The following MTAP variants were observed in gnomAD, a reference collection of about 807,000 sequenced individuals.
MTAP encodes the protein methylthioadenosine phosphorylase.
A neutral mutation model predicts 33.6 loss-of-function variants in MTAP; 33 were observed. That is an observed-to-expected ratio of 0.98 (90% CI 0.74 to 1.31). The LOEUF is 1.31. Ranked by LOEUF, MTAP falls within the 40% of genes most tolerant of loss-of-function variation. The pLI is 0.00. For missense variants in MTAP, 367 were observed against 360.0 expected (o/e 1.02, Z -0.16); for synonymous variants, 148 against 125.7 (o/e 1.18, Z -1.19).
At chr9:21,816,852 A>AAAAAG (rs1824488200) in intron 3 of MTAP, 80 bp downstream of exon 3, 2 of 1,229,046 alleles carry the variant, frequency 1.6e-6, no homozygotes, top group Non-Finnish European at 2.3e-6. Context: ...GAGTAAAGAT[A>AAAAAG]CAGGTCTGAG....
chr9:21,917,501 T>A (rs1818709787), intron 1 of MTAP, among the ~76,000 whole-genome samples: 1 of 152,154 alleles, frequency 6.6e-6, no homozygotes, highest in Admixed American at 6.5e-5. Context: ...GTGATGCTTG[T>A]CACTAATCAT....
intron 4 of MTAP, among the ~76,000 whole-genome samples, chr9:21,821,992 T>A (rs186702963): frequency 5.6e-4 from 86 of 152,350 alleles, no homozygotes; most frequent in African/African-American, 2.0e-3. Flanking sequence ...TTATCATTTT[T>A]TATTGCATCT....
chr9:21,825,231 C>T (rs1388043961), intron 4 of MTAP, among the ~76,000 whole-genome samples: 1 of 152,168 alleles, frequency 6.6e-6, no homozygotes, highest in Non-Finnish European at 1.5e-5. Context: ...TCCTATTAGG[C>T]CATCTTGGAA....
At chr9:21,839,573 A>G (rs550299068) in intron 5 of MTAP, among the ~76,000 whole-genome samples, 18 of 152,354 alleles carry the variant, frequency 1.2e-4, no homozygotes, top group African/African-American at 4.3e-4. Context: ...AGCCAAATTA[A>G]TTCAGCTTCA....
intron 1 of MTAP, among the ~76,000 whole-genome samples, chr9:21,881,435 C>T (rs1183170748): frequency 2.0e-5 from 3 of 152,032 alleles, no homozygotes; most frequent in Non-Finnish European, 4.4e-5. Flanking sequence ...TTTAAAACTT[C>T]TGTGCATCAA....
chr9:21,926,555 T>A (rs1030547442), intron 1 of MTAP, among the ~76,000 whole-genome samples: 1 of 152,148 alleles, frequency 6.6e-6, no homozygotes, highest in African/African-American at 2.4e-5. Flanking sequence ...TGCACTTGAA[T>A]TGGGGAATGA....
rs1038432257 is a variant in MTAP, at chr9:21,860,317, T to A, written c.813+892T>A. ...TGCTCCAGTACGGCCAGTTTCACAC[T>A]ACTAATGTGAAGCCACTGATGAGTT... On this transcript the variant is annotated intron_variant, in intron 7 of 7. Coordinates refer to ENST00000644715, the MANE Select transcript of MTAP (RefSeq NM_002451.4). The A allele has an allele frequency of 2.6e-4, 40 of 152,328 alleles. 1 individual carries two copies. The highest frequency in any genetic ancestry group is 2.2e-3 in the Admixed American group (33 of 15,300). The allele number at this position is 152,328 out of a possible 1,614,324, so 9.4% of individuals were successfully genotyped here.
chr9:21,897,136 A>C (rs902169394), intron 1 of MTAP, among the ~76,000 whole-genome samples: 3 of 152,196 alleles, frequency 2.0e-5, no homozygotes, highest in Non-Finnish European at 4.4e-5. Context: ...AAACTACATG[A>C]TTATCTCAAT....
Position 21,864,085 on chromosome 9 carries a change from AT to A in MTAP, c.*2072del, listed in dbSNP as rs1457476228. ...CCTCATTCTTAATAGGTGTCTAAGA[AT>A]GTCAGGGCAAAAGTATGGGCATTTT... On this transcript the variant is annotated 3_prime_UTR_variant, in exon 8 of 8. Transcript: ENST00000644715. 3.0e-6 allele frequency: 3 copies of A among 985,330 alleles called. No homozygotes were observed. Among genetic ancestry groups the A allele is most frequent in the Admixed American group, 6.1e-5 (1 of 16,268 alleles). The allele number at this position is 985,330 out of a possible 1,614,324, so 61.0% of individuals were successfully genotyped here. A position where few individuals can be genotyped will look rare whatever the true frequency, so the allele number is the denominator to read the frequency against.
intron 4 of MTAP, among the ~76,000 whole-genome samples, chr9:21,823,950 A>T (rs1176989364): frequency 6.6e-6 from 1 of 152,158 alleles, no homozygotes; most frequent in Non-Finnish European, 1.5e-5. Context: ...TATGGTTTTC[A>T]GCTCCATCAG....
downstream of MTAP, among the ~76,000 whole-genome samples, chr9:21,940,147 G>T (rs1819113393): frequency 6.6e-6 from 1 of 152,092 alleles, no homozygotes; most frequent in Non-Finnish European, 1.5e-5. Flanking sequence ...ATGAAGAAGA[G>T]AATTCACCCA....
intron 3 of MTAP, among the ~76,000 whole-genome samples, chr9:21,817,197 G>A (rs1346985339): frequency 2.6e-5 from 4 of 152,186 alleles, no homozygotes; most frequent in Non-Finnish European, 4.4e-5. Context: ...CCTTAAGGAG[G>A]CTGGTGCTGC....
chr9:21,911,024 G>C (rs535708782), intron 1 of MTAP, among the ~76,000 whole-genome samples: 2 of 152,088 alleles, frequency 1.3e-5, no homozygotes, highest in African/African-American at 4.8e-5. Context: ...AAGATCAAAA[G>C]AGACAAAGAA....
In MTAP at chr9:21,922,623, C is replaced by T. The variant is rs74403425; in HGVS notation, c.148-8385C>T. Among the ~76,000 whole-genome samples, 1 of 152,264 alleles carries T rather than the reference C, an allele frequency of 6.6e-6. No individual in the cohort carries two copies. Among genetic ancestry groups the T allele is most frequent in the African/African-American group, 2.4e-5 (1 of 41,566 alleles). On this transcript the variant is annotated intron_variant, in intron 1 of 1. Transcript: ENST00000577563. The surrounding 1 kb of genome is among the most constrained non-coding windows in gnomAD (Gnocchi z 4.8). ...GATGCCACATGGCTTGGATACGTTC[C>T]CCAGTGGTAAGAAATCTCTATGCCT... is the stretch of plus-strand genomic sequence containing the variant.
In MTAP at chr9:21,818,065, A is replaced by G. The variant is rs1824529274; in HGVS notation, c.210A>G (p.Ser70=). The part of the protein sequence containing the change: ...RHGRQHTIMP[S]KVNYQANIWA... Reference sequence around the variant, plus strand: ...GAAGGCAGCACACCATCATGCCTTCAAAGGTCAACTACCAGGCGAACATCT... The same window carrying G: ...GAAGGCAGCACACCATCATGCCTTCGAAGGTCAACTACCAGGCGAACATCT... Residue 70 remains serine, a synonymous_variant, in exon 4 of 8, where the codon TCA becomes TCG. Coordinates refer to ENST00000644715, the MANE Select transcript of MTAP (RefSeq NM_002451.4). The G allele has an allele frequency of 6.2e-7, 1 of 1,613,408 alleles. No individual in the cohort carries two copies. Among genetic ancestry groups the G allele is most frequent in the Non-Finnish European group, 8.5e-7 (1 of 1,179,790 alleles).
chr9:21,802,736 T>C lies in MTAP; in HGVS notation c.-13T>C. 6.2e-7 allele frequency: 1 copy of C among 1,612,878 alleles called. No individual in the cohort carries two copies. The highest frequency in any genetic ancestry group is 1.3e-5 in the African/African-American group (1 of 74,912). On this transcript the variant is annotated 5_prime_UTR_variant, in exon 1 of 8. Coordinates refer to ENST00000644715, the MANE Select transcript of MTAP (RefSeq NM_002451.4). The stretch of plus-strand genomic sequence containing the variant: ...GAGCGCTCGCCCACTGCAGATTCCT[T>C]TCCCGTGCAGACATGGCCTCTGGCA...
chr9:21,876,052 A>G (rs181881761), intron 1 of MTAP, among the ~76,000 whole-genome samples: 170 of 152,182 alleles, frequency 1.1e-3, no homozygotes, highest in African/African-American at 3.5e-3. Flanking sequence ...TTACTTTTTA[A>G]TAATAGCCAT....
downstream of MTAP, among the ~76,000 whole-genome samples, chr9:21,871,789 C>T (rs963583461): frequency 6.6e-6 from 1 of 152,056 alleles, no homozygotes; most frequent in African/African-American, 2.4e-5. Context: ...ACTCATAGGC[C>T]ATTTGTAATA....
At chr9:21,912,753 A>G (rs1309211416) in intron 1 of MTAP, among the ~76,000 whole-genome samples, 1 of 152,232 alleles carries the variant, frequency 6.6e-6, no homozygotes, top group South Asian at 2.1e-4. Flanking sequence ...CACCACTCCT[A>G]TTCAACATAG....
Sources: gnomAD v4.1 joint callset for allele counts (sites outside exome capture counted in the v4.1 genomes callset) on GRCh38, gnomAD v4.1.1 for gene constraint, Gnocchi (gnomAD v3.1) non-coding constraint, MANE v1.5 for transcripts, NCBI Gene and HGNC (gene_info 2026-07-23, HGNC 2026-07-21) for gene names.